The following COL26A1 variants were observed in gnomAD, a reference collection of about 807,000 sequenced individuals.
COL26A1 encodes collagen alpha-1(XXVI) chain.
COL26A1 carries 41 observed loss-of-function variants against 59.3 expected under a neutral mutation model. That is an observed-to-expected ratio of 0.69 (90% confidence interval 0.54 to 0.90). The LOEUF is 0.90. COL26A1 is among the 40% of genes least tolerant of loss of function. The probability of loss-of-function intolerance (pLI) is 0.00; values close to 1 mark genes in which losing one functional copy is unlikely to be tolerated. For synonymous variants in COL26A1, 266 were observed against 256.0 expected, an observed-to-expected ratio of 1.04 and a Z score of -0.37; for missense variants, 612 against 602.3, an observed-to-expected ratio of 1.02 and a Z score of -0.17.
At chr7:101,522,081 G>A (rs979669349) in intron 3 of COL26A1, among the ~76,000 whole-genome samples, 2 of 152,086 alleles carry the variant, frequency 1.3e-5, no homozygotes, top group Non-Finnish European at 2.9e-5. Flanking sequence ...ACGTTCTTGT[G>A]CATGCCTTTC....
At chr7:101,428,414 C>T (rs1325604263) in intron 2 of COL26A1, among the ~76,000 whole-genome samples, 5 of 149,986 alleles carry the variant, frequency 3.3e-5, no homozygotes, top group East Asian at 3.9e-4. Context: ...GGCATTGCAA[C>T]GGGAGTATGC....
At chr7:101,397,538 C>CT (rs1338622070) in intron 1 of COL26A1, among the ~76,000 whole-genome samples, 1 of 128,194 alleles carries the variant, frequency 7.8e-6, no homozygotes, top group Non-Finnish European at 1.8e-5. Context: ...TCCTCCCCCC[C>CT]CCTCCTTTTT....
chr7:101,438,645 T>C (rs1320518399), intron 2 of COL26A1, among the ~76,000 whole-genome samples: 1 of 151,488 alleles, frequency 6.6e-6, no homozygotes, highest in Non-Finnish European at 1.5e-5. Flanking sequence ...ATTCAGTGGC[T>C]ACAGCCCCCT....
chr7:101,394,874 T>C (rs547175648), intron 1 of COL26A1, among the ~76,000 whole-genome samples: 1,862 of 139,182 alleles, frequency 0.013, 10 homozygotes, highest in South Asian at 0.021. Context: ...CTTTTCTTTT[T>C]TTTTTTTTTT....
At chr7:101,519,817 C>T (rs73411687) in intron 3 of COL26A1, among the ~76,000 whole-genome samples, 6,781 of 152,220 alleles carry the variant, frequency 0.045, 515 homozygotes, top group African/African-American at 0.15. Flanking sequence ...CCTCTCTCCT[C>T]GGGAAAAGGA....
At chr7:101,363,791 C>T (rs1055220197) in intron 1 of COL26A1, among the ~76,000 whole-genome samples, 16 of 152,154 alleles carry the variant, frequency 1.1e-4, no homozygotes, top group Non-Finnish European at 1.0e-4. Flanking sequence ...GGGCTCTGCC[C>T]GGGGCGTTCG....
intron 1 of COL26A1, among the ~76,000 whole-genome samples, chr7:101,371,012 ACTCCCTACAGGAGTGG>A (rs1316967742): frequency 1.3e-5 from 2 of 151,282 alleles, no homozygotes; most frequent in Non-Finnish European, 2.9e-5. Context: ...TTCCTCATTT[ACTCCCTACAGGAGTGG>A]CTCTGAGCAG....
At chr7:101,427,046 C>A (rs1792665650) in intron 2 of COL26A1, among the ~76,000 whole-genome samples, 1 of 152,044 alleles carries the variant, frequency 6.6e-6, no homozygotes, top group Non-Finnish European at 1.5e-5. Context: ...GTCTGTTCCC[C>A]CTCATCATTT....
chr7:101,444,529 G>A (rs573605087), intron 2 of COL26A1, among the ~76,000 whole-genome samples: 2 of 150,842 alleles, frequency 1.3e-5, no homozygotes, highest in South Asian at 2.1e-4. Flanking sequence ...ATTCTCCTGC[G>A]TCAACCTCCC....
chr7:101,397,465 CTCCT>C lies in COL26A1; in HGVS notation c.159-22497_159-22494del, dbSNP rs902567468. 2.3e-4 allele frequency among the ~76,000 whole-genome samples: 27 copies of C among 115,090 alleles called. No individual in the cohort carries two copies. The East Asian group carries it at 3.6e-3, about 15-fold the overall frequency. 75.5% of individuals were successfully genotyped at this position (115,090 alleles called of 152,430 possible). A position where few individuals can be genotyped will look rare whatever the true frequency, so the allele number is the denominator to read the frequency against. On this transcript the variant is annotated intron_variant, in intron 1 of 12. Transcript: ENST00000313669. ...TTTTCTCCTTCCTCCTTTCTTTGCT[CTCCT>C]TCCTTCCTTCCTTCTCCTTTCCTTC...
At chr7:101,501,809 G>A (rs1007827317) in intron 3 of COL26A1, among the ~76,000 whole-genome samples, 4 of 152,346 alleles carry the variant, frequency 2.6e-5, no homozygotes, top group South Asian at 2.1e-4. Context: ...GTGTACAAGC[G>A]TGGACTATGT....
intron 3 of COL26A1, among the ~76,000 whole-genome samples, chr7:101,496,561 C>T (rs1794589774): frequency 1.3e-5 from 2 of 152,066 alleles, no homozygotes. Context: ...TCTGTGGGGT[C>T]TTCAAACTCC....
chr7:101,495,087 G>T (rs1161501203), intron 3 of COL26A1, among the ~76,000 whole-genome samples: 1 of 152,192 alleles, frequency 6.6e-6, no homozygotes, highest in Non-Finnish European at 1.5e-5. Flanking sequence ...CCTGAGTGTT[G>T]TCTTAAAGAG....
chr7:101,444,152 A>G (rs1436948002), intron 2 of COL26A1, among the ~76,000 whole-genome samples: 1 of 152,018 alleles, frequency 6.6e-6, no homozygotes, highest in Non-Finnish European at 1.5e-5. Flanking sequence ...TGCTAGGACT[A>G]CAGGTGTAAC....
At chr7:101,453,093 C>T (rs527926544) in intron 3 of COL26A1, among the ~76,000 whole-genome samples, 4 of 152,194 alleles carry the variant, frequency 2.6e-5, no homozygotes, top group South Asian at 2.1e-4. Context: ...GGGGAGCAGA[C>T]GTGGTGGCTC....
At chr7:101,392,380 A>G (rs1748651521) in intron 1 of COL26A1, among the ~76,000 whole-genome samples, 1 of 148,844 alleles carries the variant, frequency 6.7e-6, no homozygotes, top group African/African-American at 2.5e-5. Context: ...CTAGGGAACA[A>G]GTATCCAACA....
At chr7:101,468,217 C>T (rs2410847) in intron 3 of COL26A1, among the ~76,000 whole-genome samples, 11,087 of 151,320 alleles carry the variant, frequency 0.073, 532 homozygotes, top group Middle Eastern at 0.15. Context: ...GCAAGAGAAT[C>T]GCTTGAACCC....
At position 101,556,505 on chromosome 7, in the gene COL26A1, GAATT is replaced by G. The variant is rs201796588; in HGVS notation, c.1165+635_1165+638del. Among the ~76,000 whole-genome samples the G allele has an allele frequency of 1.9e-3, 286 of 152,300 alleles. 2 individuals are homozygous for G. The highest frequency in any genetic ancestry group is 6.4e-3 in the African/African-American group (267 of 41,548). On this transcript the variant is annotated intron_variant, in intron 12 of 12. Coordinates refer to ENST00000313669, the MANE Select transcript of COL26A1 (RefSeq NM_001278563.3). The stretch of plus-strand genomic sequence containing the variant: ...TAGATAGATGAATGAATGAATGAAT[GAATT>G]GTTGAATGGACAGGTGGATAGGTGG...
In COL26A1 at chr7:101,522,347, TG is replaced by T. The variant is rs1460571949; in HGVS notation, c.386-10734del. On this transcript the variant is annotated intron_variant, in intron 3 of 12. Coordinates refer to ENST00000313669, the MANE Select transcript of COL26A1 (RefSeq NM_001278563.3). ...TGGGATAACTTTTCGTATATCCATC[TG>T]TCTCAGTCTGTTTTGTGCTACTAGA... Among the ~76,000 whole-genome samples the T allele has an allele frequency of 9.8e-5, 15 of 152,322 alleles. No homozygotes were observed. The East Asian group carries it at 2.7e-3, about 27-fold the overall frequency.
Sources: gnomAD v4.1 joint callset for allele counts (sites outside exome capture counted in the v4.1 genomes callset) on GRCh38, gnomAD v4.1.1 for gene constraint, MANE v1.5 for transcripts, NCBI Gene and HGNC (gene_info 2026-07-23, HGNC 2026-07-21) for gene names.